The following ACAP2 variants were observed in gnomAD, a reference collection of about 807,000 sequenced individuals.
ACAP2 encodes arf-GAP with coiled-coil, ANK repeat and PH domain-containing protein 2.
Under a neutral mutation model 115.8 loss-of-function variants are expected in ACAP2, and 39 were observed. That is an observed-to-expected ratio of 0.34 (90% CI 0.26 to 0.44). The LOEUF (loss-of-function observed/expected upper bound fraction) is 0.44, where lower values mean the gene tolerates loss of function less well. Among genes scored for constraint, ACAP2 ranks in the 20% least tolerant of loss-of-function variants. ACAP2 has a pLI of 1.00. For missense variants in ACAP2, 662 were observed against 927.6 expected (o/e 0.71, Z 3.72); for synonymous variants, 289 against 315.8 (o/e 0.92, Z 0.90).
chr3:195,314,880 C>G (rs1448526380), intron 10 of ACAP2, among the ~76,000 whole-genome samples: 1 of 152,160 alleles, frequency 6.6e-6, no homozygotes, highest in Non-Finnish European at 1.5e-5. Flanking sequence ...AATTTAAATT[C>G]CAAATTTTTA....
intron 1 of ACAP2, among the ~76,000 whole-genome samples, chr3:195,437,882 ATGCT>A (rs1715675434): frequency 8.4e-6 from 1 of 118,724 alleles, no homozygotes. Flanking sequence ...CCTACTTTAC[ATGCT>A]TTTTTTTTTT....
chr3:195,342,341 C>A, intron 6 of ACAP2, 130 bp downstream of exon 6: 1 of 881,588 alleles, frequency 1.1e-6, no homozygotes, highest in South Asian at 2.5e-5. Context: ...TGGAAATTTT[C>A]CACCTAAGAT....
chr3:195,280,078 G>C (rs1052215216), intron 22 of ACAP2, among the ~76,000 whole-genome samples: 3 of 151,208 alleles, frequency 2.0e-5, no homozygotes, highest in African/African-American at 4.9e-5. Context: ...AAGCTGGGTG[G>C]GGGGGTTGGG....
At chr3:195,377,138 C>CTTTTTT (rs749352761) in intron 4 of ACAP2, among the ~76,000 whole-genome samples, 958 of 77,060 alleles carry the variant, frequency 0.012, 113 homozygotes, top group African/African-American at 0.048. Context: ...GAATGTAAAT[C>CTTTTTT]TTTTTTTTTT....
intron 5 of ACAP2, among the ~76,000 whole-genome samples, chr3:195,344,332 T>C (rs1367811480): frequency 6.6e-6 from 1 of 152,204 alleles, no homozygotes; most frequent in Non-Finnish European, 1.5e-5. Context: ...AACACCACTG[T>C]ACAGCTCTAT....
rs572508308 is a variant in ACAP2 at position 195,302,363 on chromosome 3, T to C, written c.1117-189A>G. On this transcript the variant is annotated intron_variant, in intron 13 of 22. Coordinates refer to ENST00000326793, the MANE Select transcript of ACAP2 (RefSeq NM_012287.6). ...AGGTTCTTCCATCAGTGAGCTTTTA[T>C]TCCAGTGGGGAGAAACGTGTAAACA... Among the ~76,000 whole-genome samples, 12 of 152,344 alleles carry C rather than the reference T, an allele frequency of 7.9e-5. No individual in the cohort carries two copies. The South Asian group carries it at 2.5e-3, about 32-fold the overall frequency.
rs1390150566 is a variant in ACAP2 at position 195,317,699 on chromosome 3, T to C, written c.857+3002A>G. Among the ~76,000 whole-genome samples the C allele has an allele frequency of 8.5e-5, 13 of 152,330 alleles. No homozygotes were observed. In the South Asian group the frequency reaches 1.4e-3, roughly 17 times the overall value. Reference sequence around the variant, plus strand: ...GATTTATATTTTATAAAAATTTGTTTAGCAACACCTTCAAAGTTTTTGGTA... The same window carrying C: ...GATTTATATTTTATAAAAATTTGTTCAGCAACACCTTCAAAGTTTTTGGTA... On this transcript the variant is annotated intron_variant, in intron 10 of 22. Coordinates refer to ENST00000326793, the MANE Select transcript of ACAP2 (RefSeq NM_012287.6).
chr3:195,280,459 G>A (rs749062673), intron 22 of ACAP2, among the ~76,000 whole-genome samples: 5 of 152,082 alleles, frequency 3.3e-5, no homozygotes, highest in East Asian at 1.9e-4. Context: ...GCAACAGAGC[G>A]AGACTCTGTT....
intron 2 of ACAP2, among the ~76,000 whole-genome samples, chr3:195,391,744 T>C (rs971937715): frequency 2.0e-5 from 3 of 152,004 alleles, no homozygotes; most frequent in East Asian, 1.9e-4. Context: ...CCTATAATCC[T>C]AGCACTTTGG....
chr3:195,416,085 C>T (rs983845248), intron 1 of ACAP2, among the ~76,000 whole-genome samples: 4 of 152,190 alleles, frequency 2.6e-5, no homozygotes, highest in African/African-American at 7.2e-5. Context: ...TGGTGGCTCA[C>T]GCCTGTAATC....
chr3:195,399,466 G>A (rs1414013759), intron 1 of ACAP2, among the ~76,000 whole-genome samples: 1 of 152,058 alleles, frequency 6.6e-6, no homozygotes, highest in Non-Finnish European at 1.5e-5. Context: ...TTACAGGCGT[G>A]AGCCATAACA....
At chr3:195,357,151 G>A (rs1201787171) in intron 4 of ACAP2, among the ~76,000 whole-genome samples, 1 of 151,844 alleles carries the variant, frequency 6.6e-6, no homozygotes, top group African/African-American at 2.4e-5. Context: ...TGAGCCCTTG[G>A]GCCTTAAGTG....
rs1267759190 is a variant in ACAP2, at chr3:195,279,239, T to C, written c.*89A>G. Reference sequence around the variant, plus strand: ...CCATTCAATATCTACCAAAATTAAGTAGAATTAAAGCAGTAAAAAAATTGT... The same window carrying C: ...CCATTCAATATCTACCAAAATTAAGCAGAATTAAAGCAGTAAAAAAATTGT... On this transcript the variant is annotated 3_prime_UTR_variant, in exon 23 of 23. Coordinates refer to ENST00000326793, the MANE Select transcript of ACAP2 (RefSeq NM_012287.6). 3.4e-5 allele frequency: 26 copies of C among 772,824 alleles called. No individual in the cohort carries two copies. Among genetic ancestry groups the C allele is most frequent in the Non-Finnish European group, 4.4e-5 (21 of 479,526 alleles). 47.9% of individuals were successfully genotyped at this position (772,824 alleles called of 1,614,324 possible).
At chr3:195,332,594 C>G (rs1265991824) in intron 8 of ACAP2, among the ~76,000 whole-genome samples, 3 of 152,070 alleles carry the variant, frequency 2.0e-5, no homozygotes, top group African/African-American at 7.2e-5. Flanking sequence ...GGCTGTGTCC[C>G]CACCCAAAAT....
chr3:195,361,303 G>A (rs188434487), intron 4 of ACAP2, among the ~76,000 whole-genome samples: 1 of 152,180 alleles, frequency 6.6e-6, no homozygotes, highest in Admixed American at 6.5e-5. Flanking sequence ...AGGTGTAATG[G>A]CATGCACCTG....
chr3:195,432,962 T>G (rs1715250568), intron 1 of ACAP2, among the ~76,000 whole-genome samples: 1 of 152,202 alleles, frequency 6.6e-6, no homozygotes, highest in Admixed American at 6.5e-5. Context: ...AAATAATTTT[T>G]GTACATTGAT....
chr3:195,303,347 T>G (rs1467160600), intron 13 of ACAP2, among the ~76,000 whole-genome samples: 1 of 151,210 alleles, frequency 6.6e-6, no homozygotes, highest in Non-Finnish European at 1.5e-5. Flanking sequence ...AGGGGGCTAT[T>G]GTAGTAAGCC....
chr3:195,381,126 T>C, intron 3 of ACAP2, 64 bp from the exon 4 acceptor site: 2 of 1,241,372 alleles, frequency 1.6e-6, no homozygotes, highest in Non-Finnish European at 2.3e-6. Flanking sequence ...GTCACAAAAA[T>C]GTGACCTCAG....
chr3:195,295,503 C>A, intron 17 of ACAP2: 1 of 637,710 alleles, frequency 1.6e-6, no homozygotes, highest in Non-Finnish European at 2.7e-6. Context: ...TTAGAATATA[C>A]ACATTACCTA....
Sources: gnomAD v4.1 joint callset for allele counts (sites outside exome capture counted in the v4.1 genomes callset) on GRCh38, gnomAD v4.1.1 for gene constraint, MANE v1.5 for transcripts, NCBI Gene and HGNC (gene_info 2026-07-23, HGNC 2026-07-21) for gene names.